The following SLMAP variants were observed in gnomAD, a reference collection of about 807,000 sequenced individuals.
The protein encoded by SLMAP is sarcolemma associated protein, also known as sarcolemmal membrane-associated protein.
SLMAP carries 44 observed loss-of-function variants against 128.8 expected under a neutral mutation model. That is an observed-to-expected ratio of 0.34 (90% CI 0.27 to 0.44). SLMAP has a LOEUF of 0.44. Ranked by LOEUF, SLMAP falls within the 20% of genes least tolerant of loss-of-function variation. The pLI is 1.00. For missense variants in SLMAP, 787 were observed against 985.3 expected (o/e 0.80, Z 2.69); for synonymous variants, 327 against 348.8 (o/e 0.94, Z 0.70).
At chr3:57,758,638 C>T (rs2078035461) in intron 2 of SLMAP, among the ~76,000 whole-genome samples, 3 of 152,114 alleles carry the variant, frequency 2.0e-5, no homozygotes, top group Non-Finnish European at 1.5e-5. Flanking sequence ...AAATGTGATA[C>T]GATGAATTCA....
At chr3:57,885,698 C>T (rs1444805416) in intron 14 of SLMAP, among the ~76,000 whole-genome samples, 1 of 150,874 alleles carries the variant, frequency 6.6e-6, no homozygotes, top group Admixed American at 6.6e-5. Context: ...GGATTACAGG[C>T]ATGAGCTACC....
At chr3:57,884,996 AC>A (rs2095841887) in intron 14 of SLMAP, among the ~76,000 whole-genome samples, 1 of 152,192 alleles carries the variant, frequency 6.6e-6, no homozygotes, top group Non-Finnish European at 1.5e-5. Flanking sequence ...CAGAGATCAA[AC>A]CAAAAAACAA....
chr3:57,856,847 A>T (rs1027325659), intron 6 of SLMAP, among the ~76,000 whole-genome samples: 6 of 152,210 alleles, frequency 3.9e-5, no homozygotes, highest in African/African-American at 1.4e-4. Context: ...ACATCTCCTC[A>T]AACACGTGAG....
chr3:57,766,165 A>ATTTTTTTTTTT lies in SLMAP; in HGVS notation c.198+8330_198+8340dup, dbSNP rs869169620. On this transcript the variant is annotated intron_variant, in intron 2 of 24. Transcript: ENST00000671191. Reference sequence around the variant, plus strand: ...AGGCGCCTACCACCACACCCGGCTAATTTTTTTTTTTTTTTTTTTTTTTTG... The same window carrying ATTTTTTTTTTT: ...AGGCGCCTACCACCACACCCGGCTAATTTTTTTTTTTTTTTTTTTTTTTTTTTTTTTTTTTG... Among the ~76,000 whole-genome samples, 148 of 85,678 alleles carry ATTTTTTTTTTT rather than the reference A, an allele frequency of 1.7e-3. 1 individual carries two copies. The highest frequency in any genetic ancestry group is 4.0e-3 in the African/African-American group (77 of 19,320). The allele number at this position is 85,678 out of a possible 152,430, so 56.2% of individuals were successfully genotyped here. A position where few individuals can be genotyped will look rare whatever the true frequency, so the allele number is the denominator to read the frequency against.
At chr3:57,830,141 T>C (rs1448008881) in intron 2 of SLMAP, among the ~76,000 whole-genome samples, 1 of 152,148 alleles carries the variant, frequency 6.6e-6, no homozygotes, top group Non-Finnish European at 1.5e-5. Flanking sequence ...TTCAGGTGAT[T>C]CTCCTGCCTC....
At chr3:57,859,322 A>C (rs1389104979) in intron 8 of SLMAP, among the ~76,000 whole-genome samples, 2 of 108,974 alleles carry the variant, frequency 1.8e-5, no homozygotes, top group South Asian at 6.0e-4. Context: ...GACTGTCTCA[A>C]AAAAAAAAAA....
chr3:57,837,251 G>A (rs2093681292), intron 3 of SLMAP, among the ~76,000 whole-genome samples: 1 of 152,186 alleles, frequency 6.6e-6, no homozygotes, highest in African/African-American at 2.4e-5. Flanking sequence ...TAAACTGTAA[G>A]CTGTGCAACT....
At chr3:57,840,280 G>T (rs904440673) in intron 3 of SLMAP, among the ~76,000 whole-genome samples, 1 of 152,238 alleles carries the variant, frequency 6.6e-6, no homozygotes, top group African/African-American at 2.4e-5. Context: ...TTAAAATTCA[G>T]TTTTGTTGAG....
At chr3:57,808,696 A>G (rs889515102) in intron 2 of SLMAP, among the ~76,000 whole-genome samples, 2 of 152,224 alleles carry the variant, frequency 1.3e-5, no homozygotes, top group Non-Finnish European at 2.9e-5. Context: ...CAATTTTAGA[A>G]TAAGTGCCAT....
At chr3:57,906,443 G>A (rs1363137596) in intron 17 of SLMAP, among the ~76,000 whole-genome samples, 1 of 147,560 alleles carries the variant, frequency 6.8e-6, no homozygotes, top group Non-Finnish European at 1.5e-5. Flanking sequence ...AGCCTCCTGA[G>A]TAGCTGGGAT....
At chr3:57,852,161 T>G (rs954987675) in intron 6 of SLMAP, among the ~76,000 whole-genome samples, 5 of 152,138 alleles carry the variant, frequency 3.3e-5, no homozygotes, top group African/African-American at 7.2e-5. Flanking sequence ...TCTGCCCACC[T>G]TGGCCTCCCA....
At chr3:57,860,574 A>G (rs1487876509) in intron 8 of SLMAP, 125 bp from the exon 9 acceptor site, 1 of 697,832 alleles carries the variant, frequency 1.4e-6, no homozygotes, top group African/African-American at 1.9e-5. Flanking sequence ...CAGGGCCAGA[A>G]TCATTTATGT....
chr3:57,912,386 T>G lies in SLMAP; in HGVS notation c.1705T>G (p.Leu569Val), dbSNP rs1400096235. 6.2e-7 allele frequency: 1 copy of G among 1,606,134 alleles called. No homozygotes were observed. The highest frequency in any genetic ancestry group is 8.5e-7 in the Non-Finnish European group (1 of 1,173,160). Residue 569 changes from leucine to valine, a missense_variant, in exon 20 of 25, where the codon TTG (leucine) becomes GTG (valine). Leu to Val is a conservative substitution (Grantham distance 32, BLOSUM62 1). Around this residue, in one of 2 missense-constraint regions of SLMAP, gnomAD observed 715 missense variants for 843.6 expected, o/e 0.85. Coordinates refer to ENST00000671191, the MANE Select transcript of SLMAP (RefSeq NM_001377540.1). ...TGATGGATATACTTTTGCAGCCCAA[T>G]TGCAGAGGTTACACATCGATACTGA... The part of the protein sequence containing the change: ...TKQIQVLQAQ[L>V]QRLHIDTENL...
At chr3:57,760,475 T>C (rs527555233) in intron 2 of SLMAP, among the ~76,000 whole-genome samples, 28 of 152,310 alleles carry the variant, frequency 1.8e-4, no homozygotes, top group Non-Finnish European at 3.7e-4. Context: ...TTTAAAGTTT[T>C]GGTTTGGACA....
At chr3:57,828,663 G>A (rs768998564) in intron 2 of SLMAP, among the ~76,000 whole-genome samples, 1 of 152,120 alleles carries the variant, frequency 6.6e-6, no homozygotes, top group Non-Finnish European at 1.5e-5. Flanking sequence ...GAAGAAGAAC[G>A]AGCAACTAAT....
chr3:57,834,550 A>G (rs1330636898), intron 3 of SLMAP, among the ~76,000 whole-genome samples: 1 of 152,124 alleles, frequency 6.6e-6, no homozygotes, highest in African/African-American at 2.4e-5. Flanking sequence ...GAAAAATTTG[A>G]TTAATTGATT....
chr3:57,907,841 G>A (rs755230204), intron 17 of SLMAP, 43 bp from the exon 18 acceptor site: 6 of 1,591,658 alleles, frequency 3.8e-6, no homozygotes, highest in Admixed American at 3.4e-5. Flanking sequence ...AGATTATAGT[G>A]TGATACTAAC....
chr3:57,776,835 A>T (rs2082054017), intron 2 of SLMAP, among the ~76,000 whole-genome samples: 1 of 151,810 alleles, frequency 6.6e-6, no homozygotes, highest in African/African-American at 2.4e-5. Context: ...TGATTTGTTT[A>T]TTCTCTTAAT....
At chr3:57,839,967 C>A (rs929799846) in intron 3 of SLMAP, among the ~76,000 whole-genome samples, 3 of 152,188 alleles carry the variant, frequency 2.0e-5, no homozygotes, top group African/African-American at 7.2e-5. Context: ...GGATTACAGG[C>A]GTAAGCCACT....
Sources: gnomAD v4.1 joint callset for allele counts (sites outside exome capture counted in the v4.1 genomes callset) on GRCh38, gnomAD v4.1.1 for gene constraint, gnomAD v4.1.1 regional missense constraint, MANE v1.5 for transcripts, NCBI Gene and HGNC (gene_info 2026-07-23, HGNC 2026-07-21) for gene names.